The following MCOLN3 variants were observed in gnomAD, a reference collection of about 807,000 sequenced individuals.
MCOLN3 encodes the protein mucolipin TRP cation channel 3.
MCOLN3 carries 62 observed loss-of-function variants against 69.4 expected under a neutral mutation model. That is an observed-to-expected ratio of 0.89 (90% CI 0.73 to 1.10). MCOLN3 has a LOEUF of 1.10. MCOLN3 is among the 50% of genes least tolerant of loss of function. The pLI, the probability that MCOLN3 is intolerant of heterozygous loss-of-function variation, is 0.00. For missense variants in MCOLN3, 564 were observed against 656.4 expected (o/e 0.86, Z 1.54); for synonymous variants, 183 against 217.0 (o/e 0.84, Z 1.38).
At chr1:85,036,845 T>G (rs1023409064) in intron 3 of MCOLN3, 1 of 152,160 alleles carries the variant, frequency 6.6e-6, no homozygotes, top group Non-Finnish European at 1.5e-5. Flanking sequence ...TAGTTTATTT[T>G]TCTTCATAGC....
At chr1:85,031,504 C>A (rs573839161) in intron 6 of MCOLN3, among the ~76,000 whole-genome samples, 44 of 152,220 alleles carry the variant, frequency 2.9e-4, no homozygotes, top group African/African-American at 9.9e-4. Context: ...ACCTGTACCC[C>A]ATAAATACGT....
At position 85,022,162 on chromosome 1, in the gene MCOLN3, G is replaced by A. The variant is rs773065183; in HGVS notation, c.1228C>T (p.Pro410Ser). 4 of 1,614,116 alleles carry A rather than the reference G, an allele frequency of 2.5e-6. No individual in the cohort carries two copies. The highest frequency in any genetic ancestry group is 3.4e-6 in the Non-Finnish European group (4 of 1,179,986). ...CAGCAGCAGAACCTGATGACATTGGGCAGCGCTGCCTGAAGGGTCAAAATG... is the reference window on the plus strand; with the variant it reads ...CAGCAGCAGAACCTGATGACATTGGACAGCGCTGCCTGAAGGGTCAAAATG... ...LLILTLQAAL[P>S]NVIRFCCCAA... The change falls in exon 11 of 13, where the codon CCC (proline) becomes TCC (serine). Residue 410 changes from proline (P) to serine (S), a missense_variant. Transcript: ENST00000370589.
At chr1:85,036,752 A>G (rs1652822950) in intron 3 of MCOLN3, 1 of 152,156 alleles carries the variant, frequency 6.6e-6, no homozygotes, top group Non-Finnish European at 1.5e-5. Flanking sequence ...CCACGCCTTC[A>G]GCTTGAAATA....
At chr1:85,038,303 C>T (rs915524222) in intron 3 of MCOLN3, among the ~76,000 whole-genome samples, 4 of 152,008 alleles carry the variant, frequency 2.6e-5, no homozygotes, top group Admixed American at 6.6e-5. Context: ...TGTAGGAAAA[C>T]GACCAAGCTT....
chr1:85,031,868 C>T (rs1571106393), intron 6 of MCOLN3, among the ~76,000 whole-genome samples: 1 of 151,774 alleles, frequency 6.6e-6, no homozygotes. Flanking sequence ...GTCAGAAGAT[C>T]GAGACCATCC....
At chr1:85,044,928 G>A (rs184970942) in intron 2 of MCOLN3, among the ~76,000 whole-genome samples, 12 of 151,848 alleles carry the variant, frequency 7.9e-5, no homozygotes, top group African/African-American at 2.9e-4. Flanking sequence ...CTTAGCGAAC[G>A]ATACAAGAAA....
At chr1:85,048,323 C>CG (rs1381728425) in intron 1 of MCOLN3, 73 bp downstream of exon 1, 1 of 151,976 alleles carries the variant, frequency 6.6e-6, no homozygotes, top group African/African-American at 2.4e-5. Context: ...CCGGCCTCCC[C>CG]GGCCCTCCCT....
At chr1:85,047,924 C>G (rs987038314) in intron 1 of MCOLN3, among the ~76,000 whole-genome samples, 1 of 152,218 alleles carries the variant, frequency 6.6e-6, no homozygotes, top group Non-Finnish European at 1.5e-5. Context: ...CGCAGCGACC[C>G]GGGCCTGAGC....
chr1:85,033,038 ATTCAGATTCTATTATTT>A (rs1452327171), intron 4 of MCOLN3, 82 bp from the exon 5 acceptor site: 7 of 1,123,612 alleles, frequency 6.2e-6, no homozygotes, highest in South Asian at 2.6e-5. Flanking sequence ...AAGACCAGTT[ATTCAGATTCTATTATTT>A]TTCAGATTCT....
intron 12 of MCOLN3, 35 bp from the exon 13 acceptor site, chr1:85,019,292 A>G: frequency 6.3e-7 from 1 of 1,597,264 alleles, no homozygotes; most frequent in South Asian, 1.1e-5. Flanking sequence ...TTTTATTAAT[A>G]AGCTCCTTGA....
intron 7 of MCOLN3, among the ~76,000 whole-genome samples, chr1:85,027,249 G>T (rs1443159001): frequency 2.6e-5 from 4 of 152,136 alleles, no homozygotes; most frequent in Admixed American, 6.5e-5. Context: ...TCAGATAGGA[G>T]TAAGTAATAG....
At chr1:85,047,801 T>C (rs1361808321) in intron 1 of MCOLN3, among the ~76,000 whole-genome samples, 4 of 152,210 alleles carry the variant, frequency 2.6e-5, no homozygotes, top group Non-Finnish European at 5.9e-5. Context: ...GGGTAGTGTG[T>C]GCGAGAAAGA....
rs1571101845 is a variant in MCOLN3 at position 85,029,458 on chromosome 1, A to G, written c.733-253T>C. 1.3e-5 allele frequency: 4 copies of G among 318,948 alleles called. No individual in the cohort carries two copies. In the East Asian group the frequency reaches 1.8e-4, roughly 15 times the overall value. The allele number at this position is 318,948 out of a possible 1,614,324, so 19.8% of individuals were successfully genotyped here. ...TGTCTAGGGCAGCATTTCCACTCCA[A>G]AGAACTTATATAACAAGAGCACTTC... On this transcript the variant is annotated intron_variant, in intron 6 of 12. Coordinates refer to ENST00000370589, the MANE Select transcript of MCOLN3 (RefSeq NM_018298.11).
At chr1:85,039,239 G>T (rs1342197539) in intron 3 of MCOLN3, among the ~76,000 whole-genome samples, 2 of 152,154 alleles carry the variant, frequency 1.3e-5, no homozygotes, top group Admixed American at 6.5e-5. Flanking sequence ...TACATGGAAT[G>T]TATGTGTCCC....
At chr1:85,038,091 G>A (rs1005324020) in intron 3 of MCOLN3, among the ~76,000 whole-genome samples, 19 of 152,288 alleles carry the variant, frequency 1.2e-4, no homozygotes, top group Admixed American at 3.3e-4. Context: ...AATGATTCCC[G>A]GAAGACCCTG....
At chr1:85,021,351 A>G (rs1278150824) in intron 11 of MCOLN3, 75 bp from the exon 12 acceptor site, 14 of 1,247,164 alleles carry the variant, frequency 1.1e-5, no homozygotes, top group Non-Finnish European at 1.6e-5. Flanking sequence ...ATGACATTGT[A>G]TTAAACATAA....
At chr1:85,041,592 G>A (rs185735564) in intron 2 of MCOLN3, among the ~76,000 whole-genome samples, 95 of 152,058 alleles carry the variant, frequency 6.2e-4, no homozygotes, top group African/African-American at 2.1e-3. Flanking sequence ...CTATACAGCC[G>A]GGCGTGGTGG....
rs139227763 is a variant in MCOLN3, at chr1:85,026,915, G to A, written c.833-631C>T. Among the ~76,000 whole-genome samples the A allele has an allele frequency of 2.5e-3, 384 of 151,432 alleles. 1 individual carries two copies. Among genetic ancestry groups the A allele is most frequent in the African/African-American group, 8.7e-3 (357 of 41,254 alleles). The stretch of plus-strand genomic sequence containing the variant: ...GAACTATAGGTATGCCACCATACCG[G>A]GCTAATTTTTAATTTTTTTGTAGAG... On this transcript the variant is annotated intron_variant, in intron 7 of 12. Transcript: ENST00000370589.
In MCOLN3 at chr1:85,032,789, G is replaced by A. The variant is rs1652604560; in HGVS notation, c.639C>T (p.Leu213=). The A allele has an allele frequency of 6.2e-7, 1 of 1,613,984 alleles. No individual in the cohort carries two copies. Residue 213 remains leucine, a synonymous_variant, in exon 6 of 13, where the codon CTC becomes CTT. Coordinates refer to ENST00000370589, the MANE Select transcript of MCOLN3 (RefSeq NM_018298.11). The part of the protein sequence containing the change: ...KLNLTLDFHR[L]LTVELQFKLK... Reference sequence around the variant, plus strand: ...GTTTAAACTGAAGCTCCACTGTTAGGAGTCTAGAAAACAGAGGTGATTTTA... The same window carrying A: ...GTTTAAACTGAAGCTCCACTGTTAGAAGTCTAGAAAACAGAGGTGATTTTA...
Sources: gnomAD v4.1 joint callset for allele counts (sites outside exome capture counted in the v4.1 genomes callset) on GRCh38, gnomAD v4.1.1 for gene constraint, MANE v1.5 for transcripts, NCBI Gene and HGNC (gene_info 2026-07-23, HGNC 2026-07-21) for gene names.